GLG1: variants seen among roughly 807,000 people sequenced by gnomAD.
GLG1 encodes Golgi apparatus protein 1.
GLG1 carries 38 observed loss-of-function variants against 160.5 expected under a neutral mutation model. The observed-to-expected ratio is 0.24, with a 90% confidence interval of 0.18 to 0.31. The LOEUF (loss-of-function observed/expected upper bound fraction) is 0.31. GLG1 is among the 10% of genes least tolerant of loss of function. GLG1 has a pLI of 1.00. For missense variants in GLG1, 1,373 were observed against 1,505.2 expected, an observed-to-expected ratio of 0.91 and a Z score of 1.45; for synonymous variants, 644 against 543.4, an observed-to-expected ratio of 1.19 and a Z score of -2.57.
chr16:74,538,391 G>C (rs1335932717), intron 1 of GLG1, among the ~76,000 whole-genome samples: 1 of 152,130 alleles, frequency 6.6e-6, no homozygotes, highest in Non-Finnish European at 1.5e-5. Context: ...CAATGACAAT[G>C]AAGATAATGT....
intron 1 of GLG1, chr16:74,563,471 G>C (rs560606351): frequency 1.3e-5 from 2 of 152,432 alleles, no homozygotes; most frequent in South Asian, 4.1e-4. Context: ...GCTCATGCCT[G>C]TAATCCAAGC....
At chr16:74,506,495 T>A (rs1267262717) in intron 3 of GLG1, among the ~76,000 whole-genome samples, 2 of 142,252 alleles carry the variant, frequency 1.4e-5, no homozygotes, top group Non-Finnish European at 3.0e-5. Flanking sequence ...GGCAGGAGAA[T>A]GGCATGAACC....
intron 1 of GLG1, among the ~76,000 whole-genome samples, chr16:74,563,813 T>C (rs1049384057): frequency 6.6e-6 from 1 of 152,178 alleles, no homozygotes; most frequent in Non-Finnish European, 1.5e-5. Flanking sequence ...GCAAAGGCTA[T>C]GGTTACAAAA....
At chr16:74,467,336 G>A (rs1002044244) in intron 18 of GLG1, among the ~76,000 whole-genome samples, 1 of 152,076 alleles carries the variant, frequency 6.6e-6, no homozygotes, top group Non-Finnish European at 1.5e-5. Flanking sequence ...TCCTGCTTCT[G>A]TCTATTAAAA....
chr16:74,606,542 T>C, intron 1 of GLG1, 115 bp downstream of exon 1: 1 of 846,542 alleles, frequency 1.2e-6, no homozygotes, highest in South Asian at 1.7e-5. Context: ...AAGGAGCGAG[T>C]GCAGCACAGA....
intron 7 of GLG1, among the ~76,000 whole-genome samples, chr16:74,492,449 A>C (rs1004436133): frequency 6.6e-6 from 1 of 151,848 alleles, no homozygotes; most frequent in African/African-American, 2.4e-5. Flanking sequence ...CTGGGAGCTA[A>C]GGTGGGAGGA....
In GLG1 at chr16:74,469,033, G is replaced by C; in HGVS notation, c.2349C>G (p.Thr783=). The change falls in exon 17 of 26, where the codon ACC becomes ACG. Residue 783 remains threonine (T), a synonymous_variant. Coordinates refer to ENST00000422840, the MANE Select transcript of GLG1 (RefSeq NM_001145667.2). ...KVDVVICLST[T]VRNDTLQEAK... ...CTTCCTGCAGAGTGTCATTGCGCAC[G>C]GTCGTGCTCAGGCAGATCACCACGT... is the stretch of plus-strand genomic sequence containing the variant. The C allele has an allele frequency of 6.2e-7, 1 of 1,613,990 alleles. No homozygotes were observed. The highest frequency in any genetic ancestry group is 8.5e-7 in the Non-Finnish European group (1 of 1,179,820).
intron 1 of GLG1, among the ~76,000 whole-genome samples, chr16:74,606,382 A>G (rs1958566170): frequency 6.6e-6 from 1 of 152,164 alleles, no homozygotes; most frequent in Non-Finnish European, 1.5e-5. Context: ...GAGCGAACAG[A>G]CACGCTCTGG....
chr16:74,470,446 ATTT>A (rs538522906), intron 15 of GLG1, among the ~76,000 whole-genome samples: 7 of 93,686 alleles, frequency 7.5e-5, no homozygotes, highest in East Asian at 3.6e-4. Context: ...TATATTTGTA[ATTT>A]TTTTTTTTTT....
chr16:74,593,907 TTTC>T (rs1484998491), intron 1 of GLG1, among the ~76,000 whole-genome samples: 3 of 152,204 alleles, frequency 2.0e-5, no homozygotes, highest in East Asian at 3.9e-4. Context: ...TTTTTATTTT[TTTC>T]TTGTTGTCAT....
chr16:74,568,625 C>T (rs894895464), intron 1 of GLG1, among the ~76,000 whole-genome samples: 2 of 152,024 alleles, frequency 1.3e-5, no homozygotes, highest in African/African-American at 4.8e-5. Flanking sequence ...ACCATGTTGG[C>T]CAGGCTGGTC....
intron 1 of GLG1, among the ~76,000 whole-genome samples, chr16:74,547,781 G>A (rs1366305192): frequency 6.6e-6 from 1 of 152,240 alleles, no homozygotes; most frequent in Non-Finnish European, 1.5e-5. Flanking sequence ...GTTGACATCT[G>A]TGACAAATTT....
intron 2 of GLG1, among the ~76,000 whole-genome samples, chr16:74,522,276 G>C (rs118116938): frequency 0.018 from 2,688 of 152,330 alleles, 33 homozygotes; most frequent in Non-Finnish European, 0.027. Flanking sequence ...TATTTGTGTA[G>C]GGTAAACACC....
At chr16:74,606,627 G>T (rs773855149) in intron 1 of GLG1, 30 bp downstream of exon 1, 28 of 1,528,938 alleles carry the variant, frequency 1.8e-5, no homozygotes, top group Non-Finnish European at 2.4e-5. Flanking sequence ...CACCAGGCCT[G>T]GCCCTCCCGG....
At chr16:74,535,338 A>G in intron 1 of GLG1, among the ~76,000 whole-genome samples, 2 of 152,274 alleles carry the variant, frequency 1.3e-5, no homozygotes, top group Admixed American at 6.5e-5. Context: ...ATCCATGGAG[A>G]CACAAAAGTG....
chr16:74,521,296 G>A (rs912570276), intron 2 of GLG1, among the ~76,000 whole-genome samples: 5 of 152,050 alleles, frequency 3.3e-5, no homozygotes, highest in Admixed American at 6.6e-5. Context: ...AGTTTTAGGG[G>A]TTTTTGGACA....
intron 8 of GLG1, among the ~76,000 whole-genome samples, chr16:74,489,562 C>T (rs1597257829): frequency 1.3e-5 from 2 of 152,254 alleles, no homozygotes; most frequent in Admixed American, 1.3e-4. Flanking sequence ...AGGCTGTCTC[C>T]TGATTCATTT....
intron 11 of GLG1, among the ~76,000 whole-genome samples, chr16:74,479,994 A>T (rs927708849): frequency 1.7e-5 from 2 of 117,162 alleles, no homozygotes; most frequent in Middle Eastern, 5.0e-3. Context: ...TTTGGGAATT[A>T]AAAAAAAAAA....
At chr16:74,573,163 A>G (rs2018884745) in intron 1 of GLG1, among the ~76,000 whole-genome samples, 2 of 152,166 alleles carry the variant, frequency 1.3e-5, no homozygotes, top group African/African-American at 2.4e-5. Flanking sequence ...CCCAGCAAAA[A>G]TATCTTTTAA....
Sources: gnomAD v4.1 joint callset for allele counts (sites outside exome capture counted in the v4.1 genomes callset) on GRCh38, gnomAD v4.1.1 for gene constraint, MANE v1.5 for transcripts, NCBI Gene and HGNC (gene_info 2026-07-23, HGNC 2026-07-21) for gene names.